Variants in GALNT13 observed in about 807,000 individuals in gnomAD.
GALNT13 encodes UDP-GalNAc:polypeptide N-acetylgalactosaminyltransferase 13.
Under a neutral mutation model 64.2 loss-of-function variants are expected in GALNT13, and 28 were observed. The ratio of observed to expected loss-of-function variants is 0.44; its 90% confidence interval spans 0.32 to 0.60. The LOEUF is 0.60. Among genes scored for constraint, GALNT13 ranks in the 20% least tolerant of loss-of-function variants. The pLI, the probability that GALNT13 is intolerant of heterozygous loss-of-function variation, is 0.05. For synonymous variants in GALNT13, 214 were observed against 224.6 expected, an observed-to-expected ratio of 0.95 and a Z score of 0.42; for missense variants, 577 against 669.8, an observed-to-expected ratio of 0.86 and a Z score of 1.53.
At chr2:153,375,029 G>C in the GALNT13 span, among the ~76,000 whole-genome samples, 1 of 152,164 alleles carries the variant, frequency 6.6e-6, no homozygotes, top group East Asian at 1.9e-4. Flanking sequence ...TGACTATAGT[G>C]GATTTGATAT....
the GALNT13 span, among the ~76,000 whole-genome samples, chr2:153,199,550 C>A: frequency 2.4e-4 from 36 of 152,322 alleles, no homozygotes; most frequent in African/African-American, 8.4e-4. Context: ...AACTGTTCTT[C>A]TTGCTCTACT....
chr2:153,696,183 G>A, the GALNT13 span, among the ~76,000 whole-genome samples: 2 of 152,256 alleles, frequency 1.3e-5, no homozygotes, highest in African/African-American at 4.8e-5. Flanking sequence ...AGGCCCAAGA[G>A]CCCCTAGCAA....
At chr2:153,946,370 C>G (rs1225642626) in intron 3 of GALNT13, among the ~76,000 whole-genome samples, 1 of 152,026 alleles carries the variant, frequency 6.6e-6, no homozygotes, top group Admixed American at 6.6e-5. Context: ...GCAAAAATAA[C>G]TTTTCCTTGT....
At chr2:153,780,260 C>CATATATATAT in the GALNT13 span, among the ~76,000 whole-genome samples, 1 of 115,256 alleles carries the variant, frequency 8.7e-6, no homozygotes, top group African/African-American at 3.6e-5. Context: ...TATATATATG[C>CATATATATAT]ATATATATAT....
chr2:154,267,780 CA>C (rs1334844462), intron 8 of GALNT13, among the ~76,000 whole-genome samples: 1 of 151,972 alleles, frequency 6.6e-6, no homozygotes, highest in Non-Finnish European at 1.5e-5. Flanking sequence ...AAAAAACTCT[CA>C]AAACTCAGTA....
chr2:154,260,910 C>G (rs760162801), intron 8 of GALNT13, among the ~76,000 whole-genome samples: 27 of 152,120 alleles, frequency 1.8e-4, no homozygotes, highest in Non-Finnish European at 3.1e-4. Flanking sequence ...TACTTTTTCT[C>G]TTGTCTTCCT....
chr2:153,775,122 G>A, the GALNT13 span, among the ~76,000 whole-genome samples: 4 of 152,126 alleles, frequency 2.6e-5, no homozygotes, highest in Admixed American at 2.0e-4. Flanking sequence ...TTAAGAATAA[G>A]TAGATAGGAG....
chr2:153,169,990 C>G, the GALNT13 span, among the ~76,000 whole-genome samples: 1 of 152,214 alleles, frequency 6.6e-6, no homozygotes, highest in East Asian at 1.9e-4. Flanking sequence ...TTAAAACCAA[C>G]TAATCTTCAT....
the GALNT13 span, among the ~76,000 whole-genome samples, chr2:153,342,418 C>CTT: frequency 6.6e-6 from 1 of 152,142 alleles, no homozygotes; most frequent in African/African-American, 2.4e-5. Context: ...CACTAAATGA[C>CTT]TTTTTAAAGA....
At chr2:153,207,878 G>C in the GALNT13 span, among the ~76,000 whole-genome samples, 1 of 152,140 alleles carries the variant, frequency 6.6e-6, no homozygotes, top group Admixed American at 6.5e-5. Context: ...TGTACAACTT[G>C]CAGAATGTAG....
the GALNT13 span, among the ~76,000 whole-genome samples, chr2:153,268,607 C>T: frequency 1.3e-5 from 2 of 152,204 alleles, no homozygotes; most frequent in East Asian, 1.9e-4. Context: ...CAGTGGGGAC[C>T]TGTATGGTGG....
chr2:153,370,927 C>A, the GALNT13 span: 1 of 202,590 alleles, frequency 4.9e-6, no homozygotes, highest in Non-Finnish European at 1.1e-5. Flanking sequence ...CCAGACCAAA[C>A]AGGCTGTGGA....
At chr2:153,257,119 G>T in the GALNT13 span, among the ~76,000 whole-genome samples, 1 of 152,228 alleles carries the variant, frequency 6.6e-6, no homozygotes, top group Non-Finnish European at 1.5e-5. Flanking sequence ...CTGGGCGTAG[G>T]ACCCTCCGAG....
At chr2:154,374,383 A>C (rs993501247) in intron 9 of GALNT13, among the ~76,000 whole-genome samples, 9 of 152,290 alleles carry the variant, frequency 5.9e-5, no homozygotes, top group African/African-American at 1.9e-4. Context: ...GAGACAGTTA[A>C]ATGAGTTTTC....
the GALNT13 span, among the ~76,000 whole-genome samples, chr2:153,292,381 T>C: frequency 6.6e-6 from 1 of 152,224 alleles, no homozygotes; most frequent in South Asian, 2.1e-4. Flanking sequence ...GGAATCATGT[T>C]AAAAGCTGGA....
the GALNT13 span, among the ~76,000 whole-genome samples, chr2:153,521,747 T>C: frequency 5.6e-4 from 85 of 152,220 alleles, no homozygotes; most frequent in Admixed American, 6.5e-5. Flanking sequence ...TTGGTCTCCA[T>C]AGTTTTACCT....
At chr2:153,356,006 G>A in the GALNT13 span, among the ~76,000 whole-genome samples, 1 of 152,272 alleles carries the variant, frequency 6.6e-6, no homozygotes, top group East Asian at 1.9e-4. Flanking sequence ...GCAGCCGGAA[G>A]GGGTCTTAGG....
intron 8 of GALNT13, among the ~76,000 whole-genome samples, chr2:154,268,055 A>T (rs1265758724): frequency 6.6e-6 from 1 of 152,196 alleles, no homozygotes; most frequent in Non-Finnish European, 1.5e-5. Flanking sequence ...ACTCCAAAAA[A>T]CAGTTTTAGT....
chr2:153,312,406 G>GT, the GALNT13 span, among the ~76,000 whole-genome samples: 1 of 152,154 alleles, frequency 6.6e-6, no homozygotes, highest in Non-Finnish European at 1.5e-5. Context: ...TAATTTGGGA[G>GT]TTTTTTGGCT....
Sources: gnomAD v4.1 joint callset for allele counts (sites outside exome capture counted in the v4.1 genomes callset) on GRCh38, gnomAD v4.1.1 for gene constraint, MANE v1.5 for transcripts, NCBI Gene and HGNC (gene_info 2026-07-23, HGNC 2026-07-21) for gene names.